LRP2BP: variants seen among roughly 807,000 people sequenced by gnomAD.
LRP2BP encodes LRP2 binding protein, also known as LRP2-binding protein.
Under a neutral mutation model 45.2 loss-of-function variants are expected in LRP2BP, and 38 were observed. That is an observed-to-expected ratio of 0.84 (90% CI 0.65 to 1.10). The LOEUF (loss-of-function observed/expected upper bound fraction) is 1.10. Ranked by LOEUF, LRP2BP falls within the 50% of genes least tolerant of loss-of-function variation. The pLI is 0.00. For synonymous variants in LRP2BP, 153 were observed against 153.9 expected, an observed-to-expected ratio of 0.99 and a Z score of 0.04; for missense variants, 385 against 418.9, an observed-to-expected ratio of 0.92 and a Z score of 0.71.
chr4:185,370,683 C>G lies in LRP2BP; in HGVS notation c.935G>C (p.Gly312Ala). The G allele has an allele frequency of 1.2e-6, 2 of 1,613,990 alleles. No homozygotes were observed. Among genetic ancestry groups the G allele is most frequent in the African/African-American group, 1.3e-5 (1 of 74,976 alleles). The part of the protein sequence containing the change: ...YHARCLQLGL[G>A]ITRDETTAKH... Reference sequence around the variant, plus strand: ...AGCGGTTGTTTCATCCCTGGTGATGCCCAAGCCAAGCTGAAGACACCTTGC... The same window carrying G: ...AGCGGTTGTTTCATCCCTGGTGATGGCCAAGCCAAGCTGAAGACACCTTGC... Residue 312 changes from glycine (G) to alanine (A), a missense_variant, in exon 8 of 9, where the codon GGC becomes GCC. Coordinates refer to ENST00000505916, the MANE Select transcript of LRP2BP (RefSeq NM_001377440.1).
rs1579983772 is a variant in LRP2BP, at chr4:185,374,954, T to A, written c.331-493A>T. On this transcript the variant is annotated intron_variant, in intron 4 of 8. Transcript: ENST00000505916. ...GTTTGTATCTAATATACAAATCTTA[T>A]GCACTAATACGACATCTGCTACGTG... Among the ~76,000 whole-genome samples the A allele has an allele frequency of 2.0e-5, 3 of 152,140 alleles. No homozygotes were observed. The East Asian group carries it at 5.8e-4, about 29-fold the overall frequency.
At position 185,368,859 on chromosome 4, in the gene LRP2BP, C is replaced by T. The variant is rs543581886; in HGVS notation, c.979-1614G>A. ...CCCAGGCTGGAGTGCAGCGGCACAG[C>T]CTCGGCTCACTGCAGCCTCCTCCTT... On this transcript the variant is annotated intron_variant, in intron 8 of 8. Transcript: ENST00000505916. Among the ~76,000 whole-genome samples the T allele has an allele frequency of 8.0e-5, 12 of 149,412 alleles. No homozygotes were observed. In the East Asian group the frequency reaches 2.4e-3, roughly 30 times the overall value.
At chr4:185,392,141 A>G (rs2095489857) in intron 1 of LRP2BP, among the ~76,000 whole-genome samples, 1 of 152,170 alleles carries the variant, frequency 6.6e-6, no homozygotes, top group South Asian at 2.1e-4. Context: ...TAATTTTACA[A>G]ATTTATCATC....
chr4:185,396,102 G>C (rs1392958569), upstream of LRP2BP: 1 of 158,122 alleles, frequency 6.3e-6, no homozygotes, highest in Non-Finnish European at 1.4e-5. Context: ...GTGGACCAGC[G>C]TGACGACCCC....
upstream of LRP2BP, chr4:185,397,060 T>G (rs975050022): frequency 1.5e-5 from 24 of 1,610,346 alleles, no homozygotes; most frequent in Admixed American, 4.0e-4. Context: ...TGGTCAGAGC[T>G]GGTTGTGAAG....
At chr4:185,391,179 A>G (rs542377083) in intron 1 of LRP2BP, among the ~76,000 whole-genome samples, 60 of 152,324 alleles carry the variant, frequency 3.9e-4, no homozygotes, top group African/African-American at 7.2e-4. Context: ...TTTACTCATG[A>G]TTAGACTGGG....
chr4:185,387,299 A>C (rs1335620907), intron 1 of LRP2BP, among the ~76,000 whole-genome samples: 7 of 152,246 alleles, frequency 4.6e-5, no homozygotes, highest in African/African-American at 1.7e-4. Flanking sequence ...GCCGTATCCG[A>C]AACCTTGGGA....
At chr4:185,395,955 T>A (rs1561099363), upstream of LRP2BP, 1 of 963,058 alleles carries the variant, frequency 1.0e-6, no homozygotes, top group East Asian at 1.2e-4. Flanking sequence ...GTAGCTGCCA[T>A]CGGAAGTCAG....
chr4:185,385,269 G>A (rs1468599582), intron 1 of LRP2BP, among the ~76,000 whole-genome samples: 1 of 152,086 alleles, frequency 6.6e-6, no homozygotes, highest in Non-Finnish European at 1.5e-5. Flanking sequence ...GTCTTCTCTG[G>A]AGCCGATACT....
At chr4:185,390,733 A>C (rs1364483167) in intron 1 of LRP2BP, 2 of 152,158 alleles carry the variant, frequency 1.3e-5, no homozygotes, top group Non-Finnish European at 2.9e-5. Context: ...TTGGATAAGC[A>C]GACCAAACAG....
intron 1 of LRP2BP, among the ~76,000 whole-genome samples, chr4:185,388,070 G>A (rs1457407487): frequency 6.6e-6 from 1 of 152,168 alleles, no homozygotes; most frequent in African/African-American, 2.4e-5. Flanking sequence ...TAAGTTCACT[G>A]AATTTAAACC....
chr4:185,376,903 T>C lies in LRP2BP; in HGVS notation c.216+6A>G. On this transcript the variant is annotated splice_donor_region_variant and intron_variant, in intron 3 of 8. Coordinates refer to ENST00000505916, the MANE Select transcript of LRP2BP (RefSeq NM_001377440.1). ...GAAATGAAAACGAATAAACAAAAAA[T>C]GATACCTCTTCAAAATATAGTTGAC... The C allele has an allele frequency of 1.3e-6, 2 of 1,592,796 alleles. No homozygotes were observed. Among genetic ancestry groups the C allele is most frequent in the Non-Finnish European group, 1.7e-6 (2 of 1,162,158 alleles).
rs76360235 is a variant in LRP2BP at position 185,370,360 on chromosome 4, T to C, written c.978+280A>G. Among the ~76,000 whole-genome samples the C allele has an allele frequency of 5.7e-3, 873 of 152,278 alleles. 5 individuals are homozygous for C. Among genetic ancestry groups the C allele is most frequent in the African/African-American group, 0.02 (822 of 41,548 alleles). On this transcript the variant is annotated intron_variant, in intron 8 of 8. Transcript: ENST00000505916. ...TAGATGAAAGAAAAACTGTTCAGCTTTAAGGTCTTGGTGCTGGGCCTTAGG... is the reference window on the plus strand; with the variant it reads ...TAGATGAAAGAAAAACTGTTCAGCTCTAAGGTCTTGGTGCTGGGCCTTAGG...
chr4:185,367,269 A>T (rs755240949), intron 8 of LRP2BP, 24 bp from the exon 9 acceptor site: 1 of 1,590,976 alleles, frequency 6.3e-7, no homozygotes, highest in South Asian at 1.1e-5. Flanking sequence ...AGAGTCAGAT[A>T]TTTAGATACA....
At chr4:185,397,197 A>C (rs745995558), upstream of LRP2BP, 2 of 1,613,820 alleles carry the variant, frequency 1.2e-6, no homozygotes, top group Middle Eastern at 1.7e-4. Context: ...CGGTCAACGC[A>C]CCCCCGGATC....
chr4:185,394,495 GC>G (rs2095496680), intron 1 of LRP2BP, among the ~76,000 whole-genome samples: 1 of 152,154 alleles, frequency 6.6e-6, no homozygotes. Flanking sequence ...ATACCTATGA[GC>G]GTTAGTCTTG....
intron 1 of LRP2BP, among the ~76,000 whole-genome samples, chr4:185,384,461 G>A (rs915001790): frequency 6.6e-5 from 10 of 152,040 alleles, no homozygotes; most frequent in Admixed American, 2.0e-4. Context: ...TGGGCCAAGT[G>A]TTTAAAGTTT....
Position 185,395,889 on chromosome 4 carries a change from A to C in LRP2BP, c.-1132T>G, listed in dbSNP as rs940571741. On this transcript the variant is annotated 5_prime_UTR_variant, in exon 1 of 9. Transcript: ENST00000505916. Reference sequence around the variant, plus strand: ...CACTCGGCTGGAGCTTTGGTTTCTAAGCAGATCCTTCTGGAAAGACGCTTA... The same window carrying C: ...CACTCGGCTGGAGCTTTGGTTTCTACGCAGATCCTTCTGGAAAGACGCTTA... The C allele has an allele frequency of 4.1e-6, 4 of 985,374 alleles. No individual in the cohort carries two copies. Among genetic ancestry groups the C allele is most frequent in the African/African-American group, 1.7e-5 (1 of 57,260 alleles). 61.0% of individuals were successfully genotyped at this position (985,374 alleles called of 1,614,324 possible).
intron 1 of LRP2BP, among the ~76,000 whole-genome samples, chr4:185,392,616 TAAAAA>T (rs57672293): frequency 5.9e-5 from 9 of 151,982 alleles, no homozygotes; most frequent in African/African-American, 1.9e-4. Context: ...AAAAAAAACT[TAAAAA>T]AAATCTATGG....
Sources: gnomAD v4.1 joint callset for allele counts (sites outside exome capture counted in the v4.1 genomes callset) on GRCh38, gnomAD v4.1.1 for gene constraint, MANE v1.5 for transcripts, NCBI Gene and HGNC (gene_info 2026-07-23, HGNC 2026-07-21) for gene names.